ABR: variants seen among roughly 807,000 people sequenced by gnomAD.
ABR encodes active breakpoint cluster region-related protein.
ABR carries 35 observed loss-of-function variants against 107.2 expected under a neutral mutation model. That is an observed-to-expected ratio of 0.33 (90% CI 0.25 to 0.43). The LOEUF (loss-of-function observed/expected upper bound fraction) is 0.43, where lower values mean the gene tolerates loss of function less well. Among genes scored for constraint, ABR ranks in the 20% least tolerant of loss-of-function variants. The pLI is 1.00. For synonymous variants in ABR, 498 were observed against 462.0 expected (o/e 1.08, Z -1.00); for missense variants, 815 against 1,115.2 (o/e 0.73, Z 3.83).
chr17:1,040,445 C>T (rs2030192700), intron 16 of ABR, among the ~76,000 whole-genome samples: 1 of 152,244 alleles, frequency 6.6e-6, no homozygotes, highest in African/African-American at 2.4e-5. Context: ...TGGGTCATGG[C>T]AGGGAAACCT....
At chr17:1,139,797 C>T (rs1268953108) in intron 1 of ABR, among the ~76,000 whole-genome samples, 1 of 152,146 alleles carries the variant, frequency 6.6e-6, no homozygotes, top group Admixed American at 6.5e-5. Context: ...AGGACTCATA[C>T]AAATACCAAA....
chr17:1,138,179 C>T (rs997859769), intron 1 of ABR, among the ~76,000 whole-genome samples: 8 of 151,816 alleles, frequency 5.3e-5, no homozygotes, highest in African/African-American at 1.9e-4. Context: ...GCTGGGATTA[C>T]AGGTGTGACC....
chr17:1,005,917 A>G lies in ABR; in HGVS notation c.*163T>C. ...GGGGCTGGGCAGCCGGCTTTGTACA[A>G]GGTGGCACAAAAGACGTACGCATTC... is the stretch of plus-strand genomic sequence containing the variant. On this transcript the variant is annotated 3_prime_UTR_variant, in exon 23 of 23. Transcript: ENST00000302538. The G allele has an allele frequency of 1.4e-6, 1 of 690,414 alleles. No individual in the cohort carries two copies. The highest frequency in any genetic ancestry group is 2.2e-5 in the Admixed American group (1 of 44,636). 42.8% of individuals were successfully genotyped at this position (690,414 alleles called of 1,614,324 possible).
intron 1 of ABR, among the ~76,000 whole-genome samples, chr17:1,223,792 A>G (rs899519508): frequency 1.3e-5 from 2 of 152,130 alleles, no homozygotes; most frequent in African/African-American, 4.8e-5. Context: ...CCTGCGGGGG[A>G]AACTTCCAAA....
chr17:1,014,674 TA>T (rs879605312), intron 16 of ABR, among the ~76,000 whole-genome samples: 462 of 135,208 alleles, frequency 3.4e-3, no homozygotes, highest in Admixed American at 4.7e-3. Context: ...CCGTCTCTAC[TA>T]AAAAAAAAAA....
chr17:1,224,161 C>CA (rs2043172490), intron 1 of ABR, among the ~76,000 whole-genome samples: 1 of 152,086 alleles, frequency 6.6e-6, no homozygotes, highest in Non-Finnish European at 1.5e-5. Flanking sequence ...CCTGACTTCA[C>CA]AGCACGCACC....
chr17:1,128,670 C>A (rs917402293), intron 1 of ABR, among the ~76,000 whole-genome samples: 1 of 152,218 alleles, frequency 6.6e-6, no homozygotes, highest in Admixed American at 6.5e-5. Flanking sequence ...CAGCAGCCAT[C>A]CTGAACCATG....
At chr17:1,143,020 CTCCTGGGGGACAGCTCAT>C (rs1175768411) in intron 1 of ABR, among the ~76,000 whole-genome samples, 129 of 118,914 alleles carry the variant, frequency 1.1e-3, no homozygotes, top group African/African-American at 2.8e-3. Flanking sequence ...GGACAGCTCG[CTCCTGGGGGACAGCTCAT>C]TCCTGGGGGG....
chr17:1,226,371 G>A (rs754417320), intron 1 of ABR, among the ~76,000 whole-genome samples: 9 of 152,128 alleles, frequency 5.9e-5, no homozygotes, highest in Non-Finnish European at 1.2e-4. Flanking sequence ...GTGGCAGTGT[G>A]CACATGTATG....
intron 1 of ABR, among the ~76,000 whole-genome samples, chr17:1,129,643 C>G (rs539262864): frequency 9.9e-5 from 15 of 152,010 alleles, no homozygotes; most frequent in African/African-American, 3.4e-4. Context: ...GCAACTTACT[C>G]CGAAATACAT....
chr17:1,160,396 C>T (rs1799845641), intron 1 of ABR, among the ~76,000 whole-genome samples: 2 of 152,096 alleles, frequency 1.3e-5, no homozygotes, highest in Admixed American at 1.3e-4. Context: ...ACTGTACAGT[C>T]AGTAGGAATT....
chr17:1,149,659 T>C (rs1165372035), intron 1 of ABR, among the ~76,000 whole-genome samples: 1 of 151,988 alleles, frequency 6.6e-6, no homozygotes, highest in Non-Finnish European at 1.5e-5. Context: ...TCAGGTGATC[T>C]ACCCACCTTA....
In ABR at chr17:1,157,927, A is replaced by C. The variant is rs2041112905; in HGVS notation, c.61+21740T>G. Among the ~76,000 whole-genome samples the C allele has an allele frequency of 6.6e-6, 1 of 152,246 alleles. No individual in the cohort carries two copies. Among genetic ancestry groups the C allele is most frequent in the African/African-American group, 2.4e-5 (1 of 41,472 alleles). On this transcript the variant is annotated intron_variant, in intron 1 of 22. Transcript: ENST00000302538. The surrounding 1 kb of genome is among the most constrained non-coding windows in gnomAD (Gnocchi z 4.7). Reference sequence around the variant, plus strand: ...GGATTGAAAAGGATTATCTCGCCTAATAAGGGCAGGTATTACTTTATGAGG... The same window carrying C: ...GGATTGAAAAGGATTATCTCGCCTACTAAGGGCAGGTATTACTTTATGAGG...
rs548730288 is a variant in ABR, at chr17:1,080,049, G to C, written c.640-659C>G. 1.5e-3 allele frequency among the ~76,000 whole-genome samples: 231 copies of C among 152,194 alleles called. 2 individuals carry two copies. Among genetic ancestry groups the C allele is most frequent in the African/African-American group, 5.4e-3 (225 of 41,526 alleles). On this transcript the variant is annotated intron_variant, in intron 5 of 22. Coordinates refer to ENST00000302538, the MANE Select transcript of ABR (RefSeq NM_021962.5). ...CGTCGGCCAAGGGCAGACAGGGTTT[G>C]AGTTGACCAGCGCCAGGTACTCCAG...
intron 1 of ABR, among the ~76,000 whole-genome samples, chr17:1,139,905 C>T (rs1442585334): frequency 6.6e-6 from 1 of 152,158 alleles, no homozygotes; most frequent in Non-Finnish European, 1.5e-5. Flanking sequence ...AGGGTATCAG[C>T]GTGCAGAATG....
At chr17:1,132,836 A>G (rs997556503) in intron 1 of ABR, among the ~76,000 whole-genome samples, 3 of 152,248 alleles carry the variant, frequency 2.0e-5, no homozygotes, top group Admixed American at 6.5e-5. Context: ...GTAAAGTTCT[A>G]TATAGTTTTC....
rs1246381971 is a variant in ABR, at chr17:1,084,759, T to C, written c.532-1132A>G. ...CATCAGAAGGGTCAAAATTTAAAAG[T>C]CTAATTGACAGCAACGGCTGGCAAG... On this transcript the variant is annotated intron_variant, in intron 4 of 22. Transcript: ENST00000302538. This position sits in a 1 kb window ranked among gnomAD's most constrained non-coding sequence, Gnocchi z 4.2. Among the ~76,000 whole-genome samples, 1 of 152,188 alleles carries C rather than the reference T, an allele frequency of 6.6e-6. No individual in the cohort carries two copies. Among genetic ancestry groups the C allele is most frequent in the Non-Finnish European group, 1.5e-5 (1 of 68,028 alleles).
chr17:1,057,012 G>A lies in ABR; in HGVS notation c.1472C>T (p.Thr491Ile). 3 of 1,608,238 alleles carry A rather than the reference G, an allele frequency of 1.9e-6. No individual in the cohort carries two copies. Among genetic ancestry groups the A allele is most frequent in the Non-Finnish European group, 2.6e-6 (3 of 1,175,328 alleles). Residue 491 changes from threonine (T) to isoleucine (I), a missense_variant, in exon 13 of 23, where the codon ACC becomes ATC. This residue lies in a region of ABR where 385 missense variants were observed against 596.9 expected (regional missense o/e 0.64). Transcript: ENST00000302538. ...KLRTVHNIPV[T>I]SNKDDDESPG... ...CCCGAGCTTACCGTCTTTATTGCTG[G>A]TGACAGGAATGTTGTGTACAGTCCT...
chr17:1,116,610 G>C (rs189165320), intron 2 of ABR, among the ~76,000 whole-genome samples: 55 of 152,266 alleles, frequency 3.6e-4, no homozygotes, highest in African/African-American at 9.9e-4. Flanking sequence ...CAGAGAGGAC[G>C]GGAGCCAGCG....
Sources: allele counts gnomAD v4.1 joint callset (sites outside exome capture counted in the v4.1 genomes callset), GRCh38; gene constraint gnomAD v4.1.1; regional missense constraint gnomAD v4.1.1; non-coding constraint Gnocchi (gnomAD v3.1); transcripts MANE v1.5; gene names NCBI Gene and HGNC (gene_info 2026-07-23, HGNC 2026-07-21).